Variants in TSPAN9 observed in about 807,000 individuals in gnomAD.
TSPAN9 encodes the protein tetraspanin 9.
Under a neutral mutation model 31.0 loss-of-function variants are expected in TSPAN9, and 16 were observed. The ratio of observed to expected loss-of-function variants is 0.52; its 90% CI spans 0.35 to 0.78. The LOEUF (loss-of-function observed/expected upper bound fraction) is 0.78, where lower values mean the gene tolerates loss of function less well. TSPAN9 is among the 30% of genes least tolerant of loss of function. TSPAN9 has a pLI of 0.01. For synonymous variants in TSPAN9, 145 were observed against 121.6 expected (o/e 1.19, Z -1.27); for missense variants, 272 against 312.5 (o/e 0.87, Z 0.98).
rs80117095 is a variant in TSPAN9, at chr12:3,232,454, T to C, written c.63+31198T>C. ...AGGGTAACTGAGGACCAAAAGCCCA[T>C]CCCCTGCCCTGATGCTTTCCGTCTC... On this transcript the variant is annotated intron_variant, in intron 3 of 8. Transcript: ENST00000011898. Among the ~76,000 whole-genome samples the C allele has an allele frequency of 1.4e-4, 21 of 152,288 alleles. No homozygotes were observed. The East Asian group carries it at 3.7e-3, about 27-fold the overall frequency.
intron 3 of TSPAN9, among the ~76,000 whole-genome samples, chr12:3,243,532 G>C (rs1164432739): frequency 6.6e-6 from 1 of 152,192 alleles, no homozygotes; most frequent in Non-Finnish European, 1.5e-5. Context: ...GCTAAGCCCT[G>C]AGCCCAGGAG....
intron 2 of TSPAN9, among the ~76,000 whole-genome samples, chr12:3,141,955 C>T (rs79967556): frequency 0.058 from 8,889 of 152,252 alleles, 364 homozygotes; most frequent in Middle Eastern, 0.11. Flanking sequence ...GCCCGGAAGC[C>T]GACTTCCTCT....
chr12:3,116,706 TC>T (rs2098322629), intron 2 of TSPAN9, among the ~76,000 whole-genome samples: 1 of 152,136 alleles, frequency 6.6e-6, no homozygotes, highest in Non-Finnish European at 1.5e-5. Context: ...GCCCTGCCTT[TC>T]CGGAGCCATC....
intron 3 of TSPAN9, among the ~76,000 whole-genome samples, chr12:3,201,675 T>G (rs1308630574): frequency 1.3e-5 from 2 of 152,264 alleles, no homozygotes; most frequent in African/African-American, 4.8e-5. Context: ...CTTCTTGTAT[T>G]CCTCCTGAAT....
chr12:3,178,070 G>T (rs1048560761), intron 2 of TSPAN9, among the ~76,000 whole-genome samples: 3 of 152,124 alleles, frequency 2.0e-5, no homozygotes, highest in Admixed American at 6.5e-5. Flanking sequence ...TCCTGTGGTG[G>T]TATTGATCAG....
intron 3 of TSPAN9, among the ~76,000 whole-genome samples, chr12:3,213,617 G>T (rs1238210030): frequency 6.6e-6 from 1 of 152,146 alleles, no homozygotes; most frequent in African/African-American, 2.4e-5. Context: ...GAGAGCTGCA[G>T]CGAAGCCCCC....
chr12:3,150,939 ACT>A (rs1379647840), intron 2 of TSPAN9: 1 of 151,848 alleles, frequency 6.6e-6, no homozygotes, highest in African/African-American at 2.4e-5. Flanking sequence ...TCAACGTTAA[ACT>A]CTGTCAACAT....
chr12:3,102,125 TC>T (rs144254942), intron 2 of TSPAN9, among the ~76,000 whole-genome samples: 4,021 of 152,022 alleles, frequency 0.026, 192 homozygotes, highest in African/African-American at 0.089. Flanking sequence ...TGCCTTTTTT[TC>T]TTTTTCTTTT....
chr12:3,242,393 C>G (rs905212077), intron 3 of TSPAN9, among the ~76,000 whole-genome samples: 1 of 152,214 alleles, frequency 6.6e-6, no homozygotes, highest in Non-Finnish European at 1.5e-5. Context: ...CCAGCCAGCC[C>G]CACCTCCCAC....
chr12:3,162,622 G>GAAA (rs1555146851), intron 2 of TSPAN9, among the ~76,000 whole-genome samples: 5 of 6,422 alleles, frequency 7.8e-4, no homozygotes, highest in East Asian at 0.038. Context: ...TGAATGTTTA[G>GAAA]AAAAAAAAAA....
At chr12:3,281,434 T>C (rs981814821) in intron 7 of TSPAN9, 105 bp downstream of exon 7, 2 of 1,376,440 alleles carry the variant, frequency 1.5e-6, no homozygotes, top group East Asian at 2.9e-5. Context: ...AGAGGTTGGC[T>C]GAATGTGGCG....
At chr12:3,262,799 A>T (rs1489057179) in intron 3 of TSPAN9, among the ~76,000 whole-genome samples, 1 of 152,104 alleles carries the variant, frequency 6.6e-6, no homozygotes, top group Admixed American at 6.5e-5. Context: ...TGTAATTAGC[A>T]GTCTTGATTT....
In TSPAN9 at chr12:3,168,859, C is replaced by T. The variant is rs933937819; in HGVS notation, c.-17-32318C>T. Reference sequence around the variant, plus strand: ...TGCCTCGATGGCCCCGCCTCCCTCCCGGCCAGTGTGGGCGTGCAGATGGAT... The same window carrying T: ...TGCCTCGATGGCCCCGCCTCCCTCCTGGCCAGTGTGGGCGTGCAGATGGAT... On this transcript the variant is annotated intron_variant, in intron 2 of 8. Coordinates refer to ENST00000011898, the MANE Select transcript of TSPAN9 (RefSeq NM_006675.5). The surrounding 1 kb of genome is among the most constrained non-coding windows in gnomAD (Gnocchi z 4.0). 2.6e-5 allele frequency among the ~76,000 whole-genome samples: 4 copies of T among 152,194 alleles called. No homozygotes were observed. Among genetic ancestry groups the T allele is most frequent in the Non-Finnish European group, 4.4e-5 (3 of 68,034 alleles).
chr12:3,210,436 A>G (rs999083629), intron 3 of TSPAN9, among the ~76,000 whole-genome samples: 21 of 152,166 alleles, frequency 1.4e-4, no homozygotes, highest in Non-Finnish European at 2.5e-4. Context: ...ATCTTTTCAT[A>G]TGTTCCTTAG....
chr12:3,119,166 C>G (rs778087418), intron 2 of TSPAN9, among the ~76,000 whole-genome samples: 8 of 152,212 alleles, frequency 5.3e-5, no homozygotes, highest in Non-Finnish European at 8.8e-5. Context: ...CTGCTATGCT[C>G]TCTGCCCTCA....
intron 2 of TSPAN9, among the ~76,000 whole-genome samples, chr12:3,163,204 T>C (rs58120991): frequency 0.028 from 4,239 of 152,296 alleles, 201 homozygotes; most frequent in African/African-American, 0.096. Flanking sequence ...AAGCTATTCA[T>C]TTCACCTCAT....
chr12:3,268,978 A>ATAGGGATGGGAGACAGCTGT, intron 3 of TSPAN9, among the ~76,000 whole-genome samples: 1 of 97,562 alleles, frequency 1.0e-5, no homozygotes, highest in Non-Finnish European at 1.9e-5. Context: ...GTGTTCCTGC[A>ATAGGGATGGGAGACAGCTGT]GCCTGCCCTC....
intron 2 of TSPAN9, among the ~76,000 whole-genome samples, chr12:3,131,581 T>C (rs1249910779): frequency 3.3e-5 from 5 of 152,110 alleles, no homozygotes; most frequent in Non-Finnish European, 5.9e-5. Flanking sequence ...CCGTGGCAGG[T>C]GTGCAGGGAA....
intron 2 of TSPAN9, among the ~76,000 whole-genome samples, chr12:3,174,825 T>A (rs12580592): frequency 0.63 from 94,360 of 149,888 alleles, 32,164 homozygotes; most frequent in South Asian, 0.84. Flanking sequence ...CTCGTGATCC[T>A]CCCGCCTCGG....
Sources: gnomAD v4.1 joint callset for allele counts (sites outside exome capture counted in the v4.1 genomes callset) on GRCh38, gnomAD v4.1.1 for gene constraint, Gnocchi (gnomAD v3.1) non-coding constraint, MANE v1.5 for transcripts, NCBI Gene and HGNC (gene_info 2026-07-23, HGNC 2026-07-21) for gene names.